FMO3: variants seen among roughly 807,000 people sequenced by gnomAD.
FMO3 encodes the protein flavin-containing monooxygenase 3.
FMO3 carries 40 observed loss-of-function variants against 39.4 expected under a neutral mutation model. The observed-to-expected ratio is 1.02, with a 90% confidence interval of 0.79 to 1.32. The LOEUF is 1.32. Ranked by LOEUF, FMO3 falls within the 40% of genes most tolerant of loss-of-function variation. The probability of loss-of-function intolerance (pLI) is 0.00; values close to 1 mark genes in which losing one functional copy is unlikely to be tolerated. For synonymous variants in FMO3, 219 were observed against 228.8 expected (o/e 0.96, Z 0.39); for missense variants, 680 against 651.8 (o/e 1.04, Z -0.47).
rs1655735181 is a variant in FMO3 at position 171,108,158 on chromosome 1, G to C, written c.564G>C (p.Leu188=). The C allele has an allele frequency of 4.3e-6, 7 of 1,613,932 alleles. No individual in the cohort carries two copies. The highest frequency in any genetic ancestry group is 5.9e-6 in the Non-Finnish European group (7 of 1,179,906). The change falls in exon 5 of 9, where the codon CTG becomes CTC. Residue 188 remains leucine, a synonymous_variant. Transcript: ENST00000367755. ...EPGVFNGKRV[L]VVGLGNSGCD... ...GTGTATTCAATGGAAAGCGTGTCCTGGTGGTTGGCCTGGGGAATTCGGGCT... is the reference window on the plus strand; with the variant it reads ...GTGTATTCAATGGAAAGCGTGTCCTCGTGGTTGGCCTGGGGAATTCGGGCT...
intron 2 of FMO3, among the ~76,000 whole-genome samples, chr1:171,093,649 T>C (rs1337267799): frequency 6.6e-6 from 1 of 151,946 alleles, no homozygotes; most frequent in Non-Finnish European, 1.5e-5. Context: ...GATAAACATA[T>C]GGGTGCAGGA....
chr1:171,096,272 A>G (rs1220498888), intron 2 of FMO3, among the ~76,000 whole-genome samples: 1 of 50,252 alleles, frequency 2.0e-5, no homozygotes, highest in African/African-American at 1.1e-4. Flanking sequence ...ATATATATAA[A>G]TATTATATAT....
intron 6 of FMO3, among the ~76,000 whole-genome samples, chr1:171,112,990 C>A (rs1323620256): frequency 6.6e-6 from 1 of 152,094 alleles, no homozygotes; most frequent in Admixed American, 6.6e-5. Context: ...AAAGAGGAAA[C>A]CATCAATTAT....
chr1:171,098,838 G>A (rs1490377334), intron 2 of FMO3, among the ~76,000 whole-genome samples: 1 of 152,178 alleles, frequency 6.6e-6, no homozygotes, highest in Non-Finnish European at 1.5e-5. Context: ...TTGAATAGGA[G>A]TGGTGTGAGA....
intron 5 of FMO3, among the ~76,000 whole-genome samples, chr1:171,110,469 A>T (rs999370020): frequency 1.3e-5 from 2 of 152,166 alleles, no homozygotes; most frequent in Non-Finnish European, 2.9e-5. Context: ...CAATACTTCC[A>T]CAGGAAGGGA....
intron 7 of FMO3, 61 bp downstream of exon 7, chr1:171,114,423 T>G: frequency 7.9e-7 from 1 of 1,258,474 alleles, no homozygotes; most frequent in Non-Finnish European, 1.1e-6. Flanking sequence ...TAACTTTGGA[T>G]CTTTGTGAAA....
chr1:171,096,037 A>G (rs1245292058), intron 2 of FMO3, among the ~76,000 whole-genome samples: 6 of 65,468 alleles, frequency 9.2e-5, no homozygotes, highest in African/African-American at 5.0e-4. Context: ...TATATAATAT[A>G]TATTATATAT....
chr1:171,103,563 A>G (rs1655502073), intron 2 of FMO3, among the ~76,000 whole-genome samples: 1 of 152,190 alleles, frequency 6.6e-6, no homozygotes, highest in Non-Finnish European at 1.5e-5. Context: ...TAGGTATTAT[A>G]AGTAACCTAG....
rs1345205265 is a variant in FMO3 at position 171,117,412 on chromosome 1, G to C, written c.1569G>C (p.Leu523=). The change falls in exon 9 of 9, where the codon CTG becomes CTC. Residue 523 remains leucine (L), a synonymous_variant. Coordinates refer to ENST00000367755, the MANE Select transcript of FMO3 (RefSeq NM_001002294.3). Reference sequence around the variant, plus strand: ...TGAAGCTCTTTGCAATTCCTATTCTGTTAATCGCTGTTTTCCTTGTGTTGA... The same window carrying C: ...TGAAGCTCTTTGCAATTCCTATTCTCTTAATCGCTGTTTTCCTTGTGTTGA... The part of the protein sequence containing the change: ...HWLKLFAIPI[L]LIAVFLVLT 1.2e-6 allele frequency: 2 copies of C among 1,613,486 alleles called. No individual in the cohort carries two copies. The highest frequency in any genetic ancestry group is 2.2e-5 in the South Asian group (2 of 91,038).
rs1557939263 is a variant in FMO3 at position 171,103,810 on chromosome 1, G to A, written c.158G>A (p.Ser53Asn). The A allele has an allele frequency of 6.2e-7, 1 of 1,613,802 alleles. No individual in the cohort carries two copies. The highest frequency in any genetic ancestry group is 8.5e-7 in the Non-Finnish European group (1 of 1,179,776). The change falls in exon 3 of 9, where the codon AGC becomes AAC. Residue 53 changes from serine (S) to asparagine (N), a missense_variant. Transcript: ENST00000367755. Reference sequence around the variant, plus strand: ...GACCATGCAGAGGAGGGCAGGGCTAGCATTTACAAATCAGTCTTTTCCAAC... The same window carrying A: ...GACCATGCAGAGGAGGGCAGGGCTAACATTTACAAATCAGTCTTTTCCAAC... ...FSDHAEEGRA[S>N]IYKSVFSNSS...
intron 2 of FMO3, among the ~76,000 whole-genome samples, chr1:171,096,966 G>A (rs1426614986): frequency 2.7e-5 from 4 of 149,176 alleles, no homozygotes; most frequent in Non-Finnish European, 5.9e-5. Flanking sequence ...ACAGGCCCCA[G>A]TGTGTGATAT....
intron 2 of FMO3, among the ~76,000 whole-genome samples, chr1:171,095,300 C>G (rs1654901079): frequency 6.6e-6 from 1 of 152,076 alleles, no homozygotes; most frequent in South Asian, 2.1e-4. Context: ...TTCTTCAATG[C>G]CCCTTTGTCC....
At chr1:171,111,554 C>T (rs1290426512) in intron 6 of FMO3, among the ~76,000 whole-genome samples, 1 of 152,088 alleles carries the variant, frequency 6.6e-6, no homozygotes, top group Non-Finnish European at 1.5e-5. Flanking sequence ...CCTACCTTTC[C>T]CTCTTCGTTT....
chr1:171,100,622 G>A (rs1655336154), intron 2 of FMO3: 1 of 154,532 alleles, frequency 6.5e-6, no homozygotes, highest in Admixed American at 6.3e-5. Flanking sequence ...ATATGATGAT[G>A]AGATTTTGGA....
chr1:171,098,907 G>C (rs569457295), intron 2 of FMO3, among the ~76,000 whole-genome samples: 1 of 152,170 alleles, frequency 6.6e-6, no homozygotes, highest in Non-Finnish European at 1.5e-5. Context: ...TGCCCATTCA[G>C]TATGATATTG....
rs778368800 is a variant in FMO3 at position 171,117,356 on chromosome 1, C to T, written c.1513C>T (p.Leu505Phe). 1.2e-6 allele frequency: 2 copies of T among 1,612,738 alleles called. No homozygotes were observed. Among genetic ancestry groups the T allele is most frequent in the East Asian group, 4.5e-5 (2 of 44,884 alleles). The change falls in exon 9 of 9, where the codon CTT (leucine) becomes TTT (phenylalanine). Residue 505 changes from leucine (L) to phenylalanine (F), a missense_variant. Coordinates refer to ENST00000367755, the MANE Select transcript of FMO3 (RefSeq NM_001002294.3). The stretch of plus-strand genomic sequence containing the variant: ...CATGCAGACACGAGTGGTCGGGAGA[C>T]TTCAGAAGCCTTGCTTCTTTTTCCA... ...KPMQTRVVGR[L>F]QKPCFFFHWL...
chr1:171,108,021 A>C (rs980442718), intron 4 of FMO3, 58 bp from the exon 5 acceptor site: 29 of 1,589,286 alleles, frequency 1.8e-5, no homozygotes, highest in Non-Finnish European at 2.4e-5. Flanking sequence ...CGCTTCTGTT[A>C]AAGTCTTTGT....
chr1:171,094,915 A>T (rs146217317), intron 2 of FMO3, among the ~76,000 whole-genome samples: 6 of 152,144 alleles, frequency 3.9e-5, no homozygotes, highest in African/African-American at 9.6e-5. Context: ...TGCTGAGGTT[A>T]TTTGGGCTTT....
chr1:171,111,442 A>G (rs1390071522), intron 6 of FMO3, among the ~76,000 whole-genome samples: 1 of 152,168 alleles, frequency 6.6e-6, no homozygotes, highest in East Asian at 1.9e-4. Context: ...CGTTCAAAAC[A>G]AACCCAGATC....
Sources: gnomAD v4.1 joint callset for allele counts (sites outside exome capture counted in the v4.1 genomes callset) on GRCh38, gnomAD v4.1.1 for gene constraint, MANE v1.5 for transcripts, NCBI Gene and HGNC (gene_info 2026-07-23, HGNC 2026-07-21) for gene names.